Variants in LRP5 observed in about 807,000 individuals in gnomAD.
LRP5 encodes the protein LDL receptor related protein 5, also known as low-density lipoprotein receptor-related protein 5.
A neutral mutation model predicts 154.1 loss-of-function variants in LRP5; 62 were observed. The ratio of observed to expected loss-of-function variants is 0.40; its 90% CI spans 0.33 to 0.50. LRP5 has a LOEUF of 0.50. Among genes scored for constraint, LRP5 ranks in the 20% least tolerant of loss-of-function variants. The probability of loss-of-function intolerance (pLI) is 0.55; values close to 1 mark genes in which losing one functional copy is unlikely to be tolerated. For missense variants in LRP5, 1,915 were observed against 2,336.7 expected, an observed-to-expected ratio of 0.82 and a Z score of 3.72; for synonymous variants, 966 against 1,011.5, an observed-to-expected ratio of 0.96 and a Z score of 0.85.
rs140066812 is a variant in LRP5 at position 68,423,710 on chromosome 11, CGGGT to C, written c.3236+21_3236+24del. 4.8e-3 allele frequency: 7,739 copies of C among 1,601,878 alleles called. 322 individuals carry two copies. The African/African-American group carries it at 0.089, about 18-fold the overall frequency. On this transcript the variant is annotated intron_variant, in intron 14 of 22. Coordinates refer to ENST00000294304, the MANE Select transcript of LRP5 (RefSeq NM_002335.4). This position sits in a 1 kb window ranked among gnomAD's most constrained non-coding sequence, Gnocchi z 4.7. Reference sequence around the variant, plus strand: ...ACGCGGAGCGAGGGTAGGAGGCCAACGGGTGGGTGGGGGTGCTGCCCGTCCAGGC... The same window carrying C: ...ACGCGGAGCGAGGGTAGGAGGCCAACGGGTGGGGGTGCTGCCCGTCCAGGC...
At chr11:68,439,512 G>C (rs1272972496) in intron 20 of LRP5, among the ~76,000 whole-genome samples, 2 of 152,214 alleles carry the variant, frequency 1.3e-5, no homozygotes, top group Non-Finnish European at 1.5e-5. Flanking sequence ...GCTCTGTGCT[G>C]CCCCGCCTGG....
chr11:68,431,694 C>T (rs185572844), intron 17 of LRP5, among the ~76,000 whole-genome samples: 2 of 152,334 alleles, frequency 1.3e-5, no homozygotes, highest in Admixed American at 6.5e-5. Flanking sequence ...AGCTTCCCAG[C>T]AGCTTTTCTC....
At chr11:68,347,241 C>T (rs1051614867) in intron 1 of LRP5, among the ~76,000 whole-genome samples, 2 of 152,154 alleles carry the variant, frequency 1.3e-5, no homozygotes, top group African/African-American at 4.8e-5. Flanking sequence ...TAGGAATGTC[C>T]AGAAGCAGGG....
chr11:68,440,066 T>C (rs2098677355), intron 21 of LRP5, 150 bp downstream of exon 21: 5 of 663,686 alleles, frequency 7.5e-6, no homozygotes, highest in Non-Finnish European at 1.3e-5. Flanking sequence ...CAAACCCTTC[T>C]GCTTCCTTCT....
chr11:68,403,477 C>G lies in LRP5; in HGVS notation c.1585-6C>G. 6.2e-7 allele frequency: 1 copy of G among 1,613,736 alleles called. No homozygotes were observed. The highest frequency in any genetic ancestry group is 8.5e-7 in the Non-Finnish European group (1 of 1,179,730). ...CATCCAGACCTATATTTCTGCCGTCCTGCAGGTGATCAATGTTGATGGGAC... is the reference window on the plus strand; with the variant it reads ...CATCCAGACCTATATTTCTGCCGTCGTGCAGGTGATCAATGTTGATGGGAC... On this transcript the variant is annotated splice_region_variant and splice_polypyrimidine_tract_variant and intron_variant, in intron 7 of 22. Coordinates refer to ENST00000294304, the MANE Select transcript of LRP5 (RefSeq NM_002335.4).
chr11:68,305,267 C>T, the LRP5 span, among the ~76,000 whole-genome samples: 194 of 151,952 alleles, frequency 1.3e-3, 1 homozygote, highest in Non-Finnish European at 2.0e-3. Flanking sequence ...CTCTCTCTCT[C>T]GCTCCTGCTT....
Position 68,413,811 on chromosome 11 carries a change from G to A in LRP5, c.2626G>A (p.Gly876Ser), listed in dbSNP as rs1473893176. Reference protein sequence around the residue: ...HSIERADKTSGRNRTLIQGHL... With the variant: ...HSIERADKTSSRNRTLIQGHL... Reference sequence around the variant, plus strand: ...CATTGAGCGGGCCGACAAGACTAGCGGCCGGAACCGCACCCTCATCCAGGG... The same window carrying A: ...CATTGAGCGGGCCGACAAGACTAGCAGCCGGAACCGCACCCTCATCCAGGG... Residue 876 changes from glycine to serine, a missense_variant, in exon 12 of 23, where the codon GGC (glycine) becomes AGC (serine). Transcript: ENST00000294304. This position sits in a 1 kb window ranked among gnomAD's most constrained non-coding sequence, Gnocchi z 5.1. 4 of 1,613,644 alleles carry A rather than the reference G, an allele frequency of 2.5e-6. No homozygotes were observed. Among genetic ancestry groups the A allele is most frequent in the Non-Finnish European group, 3.4e-6 (4 of 1,179,924 alleles).
chr11:68,438,725 A>G (rs2098676477), intron 20 of LRP5, 43 bp downstream of exon 20: 1 of 1,581,766 alleles, frequency 6.3e-7, no homozygotes, highest in Non-Finnish European at 8.6e-7. Context: ...GAGGCAGGAG[A>G]GTAGTCTGGG....
chr11:68,323,495 T>C (rs1252040314), intron 1 of LRP5, among the ~76,000 whole-genome samples: 1 of 148,962 alleles, frequency 6.7e-6, no homozygotes, highest in Non-Finnish European at 1.5e-5. Flanking sequence ...TACTGCAGCC[T>C]CTACCTCCCC....
Position 68,403,422 on chromosome 11 carries a change from G to A in LRP5, c.1585-61G>A, listed in dbSNP as rs562345035. On this transcript the variant is annotated intron_variant, in intron 7 of 22. Coordinates refer to ENST00000294304, the MANE Select transcript of LRP5 (RefSeq NM_002335.4). ...GCAGCTCAGGCCCCAGGCAGGGTCC[G>A]GGTTGGCTCTCGTTGGTGTGGCCCT... The A allele has an allele frequency of 4.0e-5, 60 of 1,494,646 alleles. No homozygotes were observed. The African/African-American group carries it at 6.7e-4, about 17-fold the overall frequency. 92.6% of individuals were successfully genotyped at this position (1,494,646 alleles called of 1,614,324 possible).
rs902866072 is a variant in LRP5, at chr11:68,408,718, G to A, written c.2092-1196G>A. Among the ~76,000 whole-genome samples, 7 of 152,156 alleles carry A rather than the reference G, an allele frequency of 4.6e-5. No individual in the cohort carries two copies. In the East Asian group the frequency reaches 1.4e-3, roughly 29 times the overall value. ...GTATGAAATACTCCACTGCACAGATGTTTGCTTTTAGGCTTAACTGTTCTT... is the reference window on the plus strand; with the variant it reads ...GTATGAAATACTCCACTGCACAGATATTTGCTTTTAGGCTTAACTGTTCTT... On this transcript the variant is annotated intron_variant, in intron 9 of 22. Transcript: ENST00000294304.
At chr11:68,385,012 G>C (rs1052680798) in intron 5 of LRP5, among the ~76,000 whole-genome samples, 12 of 152,254 alleles carry the variant, frequency 7.9e-5, no homozygotes, top group African/African-American at 2.7e-4. Context: ...GTTGTACGCT[G>C]TCAGGTCACA....
chr11:68,420,749 G>A (rs1465538768), intron 13 of LRP5, among the ~76,000 whole-genome samples: 3 of 151,898 alleles, frequency 2.0e-5, no homozygotes, highest in African/African-American at 2.4e-5. Flanking sequence ...ACCACTTCTT[G>A]TTATTTATCC....
At chr11:68,383,720 C>T in intron 5 of LRP5, among the ~76,000 whole-genome samples, 1 of 152,228 alleles carries the variant, frequency 6.6e-6, no homozygotes, top group East Asian at 1.9e-4. Context: ...GAGGGTGGCG[C>T]CCTCGCCATG....
chr11:68,362,741 A>T (rs2098628778), intron 3 of LRP5, among the ~76,000 whole-genome samples: 1 of 152,112 alleles, frequency 6.6e-6, no homozygotes, highest in African/African-American at 2.4e-5. Flanking sequence ...TACTTCAATA[A>T]TTTTCTTAAA....
In LRP5 at chr11:68,365,714, G is replaced by C. The variant is rs778975978; in HGVS notation, c.1015+12G>C. 1.3e-5 allele frequency: 20 copies of C among 1,572,668 alleles called. No individual in the cohort carries two copies. The highest frequency in any genetic ancestry group is 1.7e-5 in the Non-Finnish European group (20 of 1,159,518). The stretch of plus-strand genomic sequence containing the variant: ...GACGTGTAAGGCAGGTGAGGCGGTG[G>C]GACGGGACGGGGCGGGCGGGCGGGG... On this transcript the variant is annotated intron_variant, in intron 5 of 22. Transcript: ENST00000294304.
At chr11:68,442,429 T>C (rs1009124062) in intron 21 of LRP5, among the ~76,000 whole-genome samples, 1 of 152,114 alleles carries the variant, frequency 6.6e-6, no homozygotes, top group African/African-American at 2.4e-5. Context: ...GTGTGCACCA[T>C]CATGCCAGGC....
At chr11:68,374,739 T>C (rs2153145857) in intron 5 of LRP5, among the ~76,000 whole-genome samples, 1 of 152,278 alleles carries the variant, frequency 6.6e-6, no homozygotes, top group South Asian at 2.1e-4. Context: ...GCGTTGCCTG[T>C]TCCAGAACTA....
chr11:68,304,538 G>A, the LRP5 span, among the ~76,000 whole-genome samples: 8 of 152,284 alleles, frequency 5.3e-5, no homozygotes, highest in South Asian at 2.1e-4. Flanking sequence ...GGACGGGGCC[G>A]CCACCATCCA....
Sources: gnomAD v4.1 joint callset for allele counts (sites outside exome capture counted in the v4.1 genomes callset) on GRCh38, gnomAD v4.1.1 for gene constraint, Gnocchi (gnomAD v3.1) non-coding constraint, MANE v1.5 for transcripts, NCBI Gene and HGNC (gene_info 2026-07-23, HGNC 2026-07-21) for gene names.